GINS4: variants seen among roughly 807,000 people sequenced by gnomAD.
GINS4 encodes DNA replication complex GINS protein SLD5.
GINS4 carries 20 observed loss-of-function variants against 31.1 expected under a neutral mutation model. That is an observed-to-expected ratio of 0.64 (90% CI 0.45 to 0.93). GINS4 has a LOEUF of 0.93. Among genes scored for constraint, GINS4 ranks in the 40% least tolerant of loss-of-function variants. GINS4 has a pLI of 0.00. For missense variants in GINS4, 245 were observed against 273.9 expected, an observed-to-expected ratio of 0.89 and a Z score of 0.75; for synonymous variants, 85 against 97.9, an observed-to-expected ratio of 0.87 and a Z score of 0.78.
intron 2 of GINS4, chr8:41,534,222 G>A: frequency 2.4e-6 from 1 of 416,998 alleles, no homozygotes; most frequent in Non-Finnish European, 4.8e-6. Context: ...TAGGCAACAT[G>A]GTAAAACCCC....
In GINS4 at chr8:41,537,265, G is replaced by A. The variant is rs1299754647; in HGVS notation, c.269G>A (p.Ser90Asn). 6.2e-7 allele frequency: 1 copy of A among 1,613,496 alleles called. No individual in the cohort carries two copies. Among genetic ancestry groups the A allele is most frequent in the South Asian group, 1.1e-5 (1 of 91,036 alleles). Residue 90 changes from serine to asparagine, a missense_variant, in exon 4 of 8, where the codon AGC becomes AAC. By Grantham distance (46) the Ser-to-Asn change is conservative. Coordinates refer to ENST00000276533, the MANE Select transcript of GINS4 (RefSeq NM_032336.3). ...ATGGAGAGGATCCGCTACGTCCTCAGCAGCTACTTGCGGTGTCGCCTCATG... is the reference window on the plus strand; with the variant it reads ...ATGGAGAGGATCCGCTACGTCCTCAACAGCTACTTGCGGTGTCGCCTCATG... ...MEMERIRYVL[S>N]SYLRCRLMKI...
At position 41,542,297 on chromosome 8, in the gene GINS4, T is replaced by G. The variant is rs1362113565; in HGVS notation, c.*210T>G. On this transcript the variant is annotated 3_prime_UTR_variant, in exon 8 of 8. Coordinates refer to ENST00000276533, the MANE Select transcript of GINS4 (RefSeq NM_032336.3). ...TACTCAGGAGGCCGGGGCAGGAGAA[T>G]CGCTTGAACCTGGGAGCAGGAGGTT... 4 of 565,566 alleles carry G rather than the reference T, an allele frequency of 7.1e-6. No homozygotes were observed. The South Asian group carries it at 8.0e-5, about 11-fold the overall frequency. 35.0% of individuals were successfully genotyped at this position (565,566 alleles called of 1,614,324 possible).
At chr8:41,531,277 A>G (rs1295171156) in intron 2 of GINS4, among the ~76,000 whole-genome samples, 1 of 152,146 alleles carries the variant, frequency 6.6e-6, no homozygotes, top group African/African-American at 2.4e-5. Flanking sequence ...ACTCCGTCTC[A>G]AAAAAATAAT....
intron 5 of GINS4, 23 bp downstream of exon 5, chr8:41,539,798 TG>T: frequency 6.2e-7 from 1 of 1,602,746 alleles, no homozygotes; most frequent in Non-Finnish European, 8.5e-7. Flanking sequence ...GCCGTTGGCG[TG>T]GGGCACCTGG....
chr8:41,533,843 G>A (rs951215287), intron 2 of GINS4, among the ~76,000 whole-genome samples: 9 of 152,162 alleles, frequency 5.9e-5, no homozygotes, highest in Non-Finnish European at 1.5e-5. Context: ...CGAGTCCTCT[G>A]TCTTGGGTTT....
chr8:41,530,118 A>T, intron 1 of GINS4, 66 bp from the exon 2 acceptor site: 1 of 1,022,454 alleles, frequency 9.8e-7, no homozygotes, highest in Non-Finnish European at 1.5e-6. Flanking sequence ...TTCTCCAGAT[A>T]GATGTCTGTT....
chr8:41,536,775 C>T (rs961860697), intron 3 of GINS4, among the ~76,000 whole-genome samples: 1 of 152,230 alleles, frequency 6.6e-6, no homozygotes. Context: ...GTAGCCTCCC[C>T]ACCTGGCCCC....
At chr8:41,534,216 C>A in intron 2 of GINS4, 1 of 409,734 alleles carries the variant, frequency 2.4e-6, no homozygotes, top group Non-Finnish European at 4.9e-6. Flanking sequence ...CCACTGTAGG[C>A]AACATGGTAA....
chr8:41,532,960 G>A (rs1347395796), intron 2 of GINS4, among the ~76,000 whole-genome samples: 4 of 152,066 alleles, frequency 2.6e-5, no homozygotes, highest in Non-Finnish European at 5.9e-5. Flanking sequence ...ACATACCTGC[G>A]GCCCAGTAGT....
rs1354960438 is a variant in GINS4 at position 41,537,332 on chromosome 8, A to G, written c.297+39A>G. The stretch of plus-strand genomic sequence containing the variant: ...ATACCTGGAGGGATTGAGACAGCAC[A>G]GTCTGTAATGCAGACTGAATGTCCT... On this transcript the variant is annotated intron_variant, in intron 4 of 7. Transcript: ENST00000276533. 3.6e-6 allele frequency: 5 copies of G among 1,405,228 alleles called. No homozygotes were observed. In the South Asian group the frequency reaches 5.9e-5, roughly 17 times the overall value. The allele number at this position is 1,405,228 out of a possible 1,614,324, so 87.0% of individuals were successfully genotyped here.
Position 41,530,241 on chromosome 8 carries a change from TG to T in GINS4, c.44del (p.Gly15ValfsTer7). The T allele has an allele frequency of 6.2e-7, 1 of 1,613,964 alleles. No homozygotes were observed. Among genetic ancestry groups the T allele is most frequent in the South Asian group, 1.1e-5 (1 of 91,084 alleles). Reference protein sequence around the residue: ...EVDFLGQDSDGGSEEVVLTPA... With the variant: ...EVDFLGQDSDXGSEEVVLTPA... ...TGGATTTCCTGGGACAGGACTCTGA[TG>T]GGGGTAGTGAGGAAGTGGTCCTAAC... On this transcript the variant is annotated frameshift_variant, in exon 2 of 8. Coordinates refer to ENST00000276533, the MANE Select transcript of GINS4 (RefSeq NM_032336.3). LOFTEE classifies it high-confidence loss of function.
chr8:41,539,368 G>A (rs1233525929), intron 4 of GINS4, among the ~76,000 whole-genome samples: 3 of 146,230 alleles, frequency 2.1e-5, no homozygotes, highest in Non-Finnish European at 4.5e-5. Context: ...TAATTGGACT[G>A]TGGCAAGGGT....
chr8:41,538,647 T>C (rs1185805757), intron 4 of GINS4, among the ~76,000 whole-genome samples: 2 of 152,118 alleles, frequency 1.3e-5, no homozygotes, highest in African/African-American at 4.8e-5. Flanking sequence ...TGTCACCTAA[T>C]GTATTAGCTG....
Position 41,544,797 on chromosome 8 carries a change from T to G in GINS4, c.*2710T>G, listed in dbSNP as rs1181345655. The G allele has an allele frequency of 6.6e-6, 1 of 151,680 alleles. No homozygotes were observed. The highest frequency in any genetic ancestry group is 1.5e-5 in the Non-Finnish European group (1 of 67,968). 9.4% of individuals were successfully genotyped at this position (151,680 alleles called of 1,614,324 possible). On this transcript the variant is annotated 3_prime_UTR_variant, in exon 8 of 8. Transcript: ENST00000276533. Reference sequence around the variant, plus strand: ...TTCTGAAACAGGGTGAGGTCCAGGATCCTGCCTTTCTAAGGAGCTCCCATG... The same window carrying G: ...TTCTGAAACAGGGTGAGGTCCAGGAGCCTGCCTTTCTAAGGAGCTCCCATG...
At chr8:41,530,778 TTCTCCTTTAAG>T (rs55664913) in intron 2 of GINS4, among the ~76,000 whole-genome samples, 19,126 of 152,194 alleles carry the variant, frequency 0.13, 1,315 homozygotes, top group Middle Eastern at 0.16. Flanking sequence ...TCTGAAATAT[TTCTCCTTTAAG>T]TTGTAATAGC....
intron 2 of GINS4, among the ~76,000 whole-genome samples, chr8:41,531,843 T>G (rs918521690): frequency 5.9e-5 from 9 of 152,126 alleles, no homozygotes; most frequent in African/African-American, 2.2e-4. Flanking sequence ...ATTCCTGGAG[T>G]GCAGTGGTGT....
Position 41,542,123 on chromosome 8 carries a change from C to A in GINS4, c.*36C>A. Reference sequence around the variant, plus strand: ...AAACAGCCAGGCATGGTGACTCAAGCCTGTAATCCCAGCACTTTGGGAGGC... The same window carrying A: ...AAACAGCCAGGCATGGTGACTCAAGACTGTAATCCCAGCACTTTGGGAGGC... On this transcript the variant is annotated 3_prime_UTR_variant, in exon 8 of 8. Transcript: ENST00000276533. The A allele has an allele frequency of 6.6e-7, 1 of 1,526,352 alleles. No individual in the cohort carries two copies. The highest frequency in any genetic ancestry group is 9.1e-7 in the Non-Finnish European group (1 of 1,100,608). The allele number at this position is 1,526,352 out of a possible 1,614,324, so 94.6% of individuals were successfully genotyped here.
At chr8:41,534,379 GA>G (rs1299137375) in intron 2 of GINS4, 2 of 179,954 alleles carry the variant, frequency 1.1e-5, no homozygotes, top group Admixed American at 5.7e-5. Context: ...TGTGTGACCA[GA>G]AACCAGATGT....
chr8:41,530,430 C>A, intron 2 of GINS4, 132 bp downstream of exon 2: 1 of 632,030 alleles, frequency 1.6e-6, no homozygotes, highest in Non-Finnish European at 2.8e-6. Flanking sequence ...ATCTTACCAT[C>A]TACATGGAAA....
Sources: gnomAD v4.1 joint callset for allele counts (sites outside exome capture counted in the v4.1 genomes callset) on GRCh38, gnomAD v4.1.1 for gene constraint, MANE v1.5 for transcripts, NCBI Gene and HGNC (gene_info 2026-07-23, HGNC 2026-07-21) for gene names.